Variants in B3GALNT2 observed in about 807,000 individuals in gnomAD.
B3GALNT2 encodes the protein beta-1,3-N-acetylgalactosaminyltransferase 2, also known as UDP-GalNAc:beta-1,3-N-acetylgalactosaminyltransferase 2.
A neutral mutation model predicts 61.1 loss-of-function variants in B3GALNT2; 53 were observed. That is an observed-to-expected ratio of 0.87 (90% CI 0.70 to 1.09). The LOEUF (loss-of-function observed/expected upper bound fraction) is 1.09. Ranked by LOEUF, B3GALNT2 falls within the 50% of genes least tolerant of loss-of-function variation. B3GALNT2 has a pLI of 0.00. For synonymous variants in B3GALNT2, 223 were observed against 237.4 expected (o/e 0.94, Z 0.56); for missense variants, 544 against 623.0 (o/e 0.87, Z 1.35).
chr1:235,464,075 A>G (rs991655032), intron 7 of B3GALNT2: 2 of 152,244 alleles, frequency 1.3e-5, no homozygotes, highest in Non-Finnish European at 2.9e-5. Flanking sequence ...CATGCCATAT[A>G]TGAAAATGAA....
rs1242341170 is a variant in B3GALNT2, at chr1:235,449,112, G to GAATTCTC, written c.*1087_*1093dup. The GAATTCTC allele has an allele frequency of 7.0e-6, 2 of 283,824 alleles. No homozygotes were observed. The highest frequency in any genetic ancestry group is 4.5e-5 in the African/African-American group (2 of 44,804). The allele number at this position is 283,824 out of a possible 1,614,324, so 17.6% of individuals were successfully genotyped here. On this transcript the variant is annotated 3_prime_UTR_variant, in exon 12 of 12. Transcript: ENST00000366600. ...ATCTGTCATAAGACTAGTTTTAATGGAATTCTCTATTGAAACTACTATTTT... is the reference window on the plus strand; with the variant it reads ...ATCTGTCATAAGACTAGTTTTAATGGAATTCTCAATTCTCTATTGAAACTACTATTTT...
chr1:235,493,801 A>G (rs1466728358), intron 2 of B3GALNT2, among the ~76,000 whole-genome samples: 7 of 152,112 alleles, frequency 4.6e-5, no homozygotes, highest in Non-Finnish European at 1.0e-4. Context: ...TCACAACTGC[A>G]ATTTGCTTGT....
chr1:235,458,750 G>A lies in B3GALNT2; in HGVS notation c.878C>T (p.Pro293Leu), dbSNP rs545999890. ...CCTTATATGATCAATAAGTCTTTGA[G>A]GGCGAGAATGAAGGTTGTGTAAGAG... ...DALLHNLHSR[P>L]QRLIDHIRNL... Residue 293 changes from proline (P) to leucine (L), a missense_variant, in exon 8 of 12, where the codon CCT becomes CTT. Coordinates refer to ENST00000366600, the MANE Select transcript of B3GALNT2 (RefSeq NM_152490.5). 2 of 1,603,082 alleles carry A rather than the reference G, an allele frequency of 1.2e-6. No homozygotes were observed. Among genetic ancestry groups the A allele is most frequent in the Admixed American group, 1.7e-5 (1 of 57,192 alleles).
At chr1:235,497,061 T>C (rs1366552297) in intron 1 of B3GALNT2, among the ~76,000 whole-genome samples, 2 of 152,232 alleles carry the variant, frequency 1.3e-5, no homozygotes, top group African/African-American at 2.4e-5. Context: ...AAGCGGATCA[T>C]TGAATACGCT....
chr1:235,479,507 C>T (rs1259936674), intron 5 of B3GALNT2: 3 of 152,892 alleles, frequency 2.0e-5, no homozygotes, highest in African/African-American at 7.2e-5. Context: ...ACCTGGCAGG[C>T]GAGGCATTCT....
Position 235,480,034 on chromosome 1 carries a change from C to G in B3GALNT2, c.651+20G>C. On this transcript the variant is annotated intron_variant, in intron 5 of 11. Transcript: ENST00000366600. Reference sequence around the variant, plus strand: ...TGAAGGACTGCATTGGTACTACAGTCTTTTCCTGCCATCCTGTACCTCTGG... The same window carrying G: ...TGAAGGACTGCATTGGTACTACAGTGTTTTCCTGCCATCCTGTACCTCTGG... The G allele has an allele frequency of 6.2e-7, 1 of 1,613,344 alleles. No individual in the cohort carries two copies.
chr1:235,492,801 AG>A (rs1184479306), intron 2 of B3GALNT2, among the ~76,000 whole-genome samples: 1 of 152,212 alleles, frequency 6.6e-6, no homozygotes, highest in Non-Finnish European at 1.5e-5. Context: ...AGAGACCTGA[AG>A]GAAGTGAGTC....
intron 3 of B3GALNT2, among the ~76,000 whole-genome samples, chr1:235,486,471 C>T (rs373436320): frequency 2.8e-4 from 43 of 152,234 alleles, no homozygotes; most frequent in African/African-American, 9.4e-4. Flanking sequence ...CTTCAAGTTA[C>T]GTGGACACAG....
chr1:235,499,466 A>G (rs985190169), intron 1 of B3GALNT2, among the ~76,000 whole-genome samples: 2 of 152,204 alleles, frequency 1.3e-5, no homozygotes, highest in Non-Finnish European at 2.9e-5. Flanking sequence ...TCCTATGCTC[A>G]TTGTTCTAGA....
Position 235,504,227 on chromosome 1 carries a change from C to T in B3GALNT2, c.26G>A (p.Cys9Tyr). 6.8e-7 allele frequency: 1 copy of T among 1,478,510 alleles called. No homozygotes were observed. The highest frequency in any genetic ancestry group is 8.9e-7 in the Non-Finnish European group (1 of 1,121,532). 91.6% of individuals were successfully genotyped at this position (1,478,510 alleles called of 1,614,324 possible). A position where few individuals can be genotyped will look rare whatever the true frequency, so the allele number is the denominator to read the frequency against. The change falls in exon 1 of 12, where the codon TGC (cysteine) becomes TAC (tyrosine). Residue 9 changes from cysteine (C) to tyrosine (Y), a missense_variant. Physicochemically the swap from Cys to Tyr is radical, Grantham distance 194. Transcript: ENST00000366600. MRNWLVLL[C>Y]PCVLGAALHL... ...CAGCGCGGCCCCGAGCACACACGGGCACAGCAGCACCAGCCAGTTTCGCAT... is the reference window on the plus strand; with the variant it reads ...CAGCGCGGCCCCGAGCACACACGGGTACAGCAGCACCAGCCAGTTTCGCAT...
chr1:235,452,525 C>T lies in B3GALNT2; in HGVS notation c.1368+565G>A, dbSNP rs942971306. ...ATTCCAAATCTGAAAATTTGAAATC[C>T]AAAATGCTCCAAAATCCAAAACTTT... On this transcript the variant is annotated intron_variant, in intron 11 of 11. Transcript: ENST00000366600. 3 of 143,720 alleles carry T rather than the reference C, an allele frequency of 2.1e-5. No individual in the cohort carries two copies. In the Admixed American group the frequency reaches 2.2e-4, roughly 11 times the overall value. 8.9% of individuals were successfully genotyped at this position (143,720 alleles called of 1,614,324 possible).
chr1:235,454,478 G>A (rs1383946329), intron 9 of B3GALNT2, among the ~76,000 whole-genome samples, 163 bp from the exon 10 acceptor site: 1 of 152,050 alleles, frequency 6.6e-6, no homozygotes, highest in Non-Finnish European at 1.5e-5. Flanking sequence ...TGCTCTTGTT[G>A]CTCAGGCTGG....
intron 1 of B3GALNT2, among the ~76,000 whole-genome samples, chr1:235,498,131 G>GA (rs1158190551): frequency 2.0e-5 from 3 of 152,130 alleles, no homozygotes; most frequent in Non-Finnish European, 4.4e-5. Flanking sequence ...TAGTCCAATA[G>GA]ACTCCTGAGT....
the B3GALNT2 span, chr1:235,441,757 G>GTTTTTTTTTTTTTTTTTTTTT: frequency 6.6e-7 from 1 of 1,517,446 alleles, no homozygotes; most frequent in African/African-American, 1.4e-5. Context: ...TGTTTGTTTT[G>GTTTTTTTTTTTTTTTTTTTTT]TTTTTACTTA....
rs1290190585 is a variant in B3GALNT2, at chr1:235,460,283, ATTGT to A, written c.842-1501_842-1498del. Among the ~76,000 whole-genome samples, 10 of 151,122 alleles carry A rather than the reference ATTGT, an allele frequency of 6.6e-5. No homozygotes were observed. The East Asian group carries it at 9.9e-4, about 15-fold the overall frequency. ...AGGCGCCTGCCACTGTGCCCAGCTA[ATTGT>A]TTGTATTTTTACAAACAATTGTAAA... On this transcript the variant is annotated intron_variant, in intron 7 of 11. Transcript: ENST00000366600.
At chr1:235,452,498 G>C (rs955502224) in intron 11 of B3GALNT2, 1 of 151,946 alleles carries the variant, frequency 6.6e-6, no homozygotes, top group Non-Finnish European at 1.5e-5. Context: ...TACAGGTTGA[G>C]CATTCCAAAT....
At position 235,493,517 on chromosome 1, in the gene B3GALNT2, C is replaced by T. The variant is rs543600242; in HGVS notation, c.260+1164G>A. ...ACTAGGCCGGGCTTGGTGGCTCACGCTTGTAATCCCAGCACTTTGGGAGGC... is the reference window on the plus strand; with the variant it reads ...ACTAGGCCGGGCTTGGTGGCTCACGTTTGTAATCCCAGCACTTTGGGAGGC... On this transcript the variant is annotated intron_variant, in intron 2 of 11. Coordinates refer to ENST00000366600, the MANE Select transcript of B3GALNT2 (RefSeq NM_152490.5). Among the ~76,000 whole-genome samples, 19 of 152,278 alleles carry T rather than the reference C, an allele frequency of 1.2e-4. No individual in the cohort carries two copies. In the South Asian group the frequency reaches 1.5e-3, roughly 12 times the overall value.
downstream of B3GALNT2, chr1:235,442,931 C>T (rs1553340563): frequency 1.2e-6 from 2 of 1,613,628 alleles, no homozygotes; most frequent in South Asian, 1.1e-5. Flanking sequence ...ACCAGCCTGT[C>T]TTTTCCTTAA....
At chr1:235,456,521 C>T (rs1250793217) in intron 8 of B3GALNT2, among the ~76,000 whole-genome samples, 1 of 152,176 alleles carries the variant, frequency 6.6e-6, no homozygotes, top group African/African-American at 2.4e-5. Flanking sequence ...AGAAGGCATA[C>T]ATAATATTTG....
Sources: allele counts gnomAD v4.1 joint callset (sites outside exome capture counted in the v4.1 genomes callset), GRCh38; gene constraint gnomAD v4.1.1; transcripts MANE v1.5; gene names NCBI Gene and HGNC (gene_info 2026-07-23, HGNC 2026-07-21).